The following ASB3 variants were observed in gnomAD, a reference collection of about 807,000 sequenced individuals.
ASB3 encodes the protein ankyrin repeat and SOCS box containing 3.
ASB3 carries 41 observed loss-of-function variants against 54.5 expected under a neutral mutation model. The observed-to-expected ratio is 0.75, with a 90% CI of 0.59 to 0.98. The LOEUF is 0.98. Among genes scored for constraint, ASB3 ranks in the 50% least tolerant of loss-of-function variants. The probability of loss-of-function intolerance (pLI) is 0.00; values close to 1 mark genes in which losing one functional copy is unlikely to be tolerated. For synonymous variants in ASB3, 266 were observed against 221.2 expected (o/e 1.20, Z -1.80); for missense variants, 733 against 620.0 (o/e 1.18, Z -1.94).
In ASB3 at chr2:53,776,037, T is replaced by C. The variant is rs1674315399; in HGVS notation, c.-13-10452A>G. Among the ~76,000 whole-genome samples the C allele has an allele frequency of 2.0e-5, 3 of 152,188 alleles. No homozygotes were observed. In the South Asian group the frequency reaches 6.2e-4, roughly 31 times the overall value. ...GTTATTTCTTTCTCAAGAGGACATA[T>C]AATCTCTCTAGAATCTTTCACCATA... On this transcript the variant is annotated intron_variant, in intron 1 of 9. Transcript: ENST00000263634.
intron 1 of ASB3, among the ~76,000 whole-genome samples, chr2:53,775,351 G>T (rs1432045704): frequency 3.9e-5 from 6 of 152,022 alleles, no homozygotes; most frequent in Admixed American, 1.3e-4. Flanking sequence ...GTGTGTGTGT[G>T]TGTGTATATA....
chr2:53,770,488 G>A lies in ASB3; in HGVS notation c.-13-4903C>T, dbSNP rs1437116455. Among the ~76,000 whole-genome samples the A allele has an allele frequency of 1.2e-4, 14 of 121,036 alleles. No individual in the cohort carries two copies. The East Asian group carries it at 2.9e-3, about 25-fold the overall frequency. 79.4% of individuals were successfully genotyped at this position (121,036 alleles called of 152,430 possible). A position where few individuals can be genotyped will look rare whatever the true frequency, so the allele number is the denominator to read the frequency against. On this transcript the variant is annotated intron_variant, in intron 1 of 9. Coordinates refer to ENST00000263634, the MANE Select transcript of ASB3 (RefSeq NM_016115.5). ...ATACAGCCTTTGGTACTCCGTGGAC[G>A]AAGTTTATTTAAAAAAAAAAAAAAA...
At chr2:53,766,051 CAACTA>C (rs1673432539) in intron 1 of ASB3, among the ~76,000 whole-genome samples, 1 of 152,094 alleles carries the variant, frequency 6.6e-6, no homozygotes, top group African/African-American at 2.4e-5. Context: ...CTATAGGAAA[CAACTA>C]AACCCAAAGA....
At chr2:53,786,559 C>A (rs1049527194) in intron 1 of ASB3, 3 of 152,246 alleles carry the variant, frequency 2.0e-5, no homozygotes, top group African/African-American at 7.2e-5. Context: ...TGGAGATAAG[C>A]CTCAAGCGGG....
At chr2:53,693,670 T>G (rs1251938877) in intron 9 of ASB3, among the ~76,000 whole-genome samples, 1 of 152,144 alleles carries the variant, frequency 6.6e-6, no homozygotes, top group African/African-American at 2.4e-5. Context: ...TCTTTATATG[T>G]TCCTTAGGCT....
chr2:53,699,472 A>C (rs1177783795), intron 8 of ASB3, among the ~76,000 whole-genome samples: 7 of 152,252 alleles, frequency 4.6e-5, no homozygotes, highest in African/African-American at 1.4e-4. Flanking sequence ...GTAGAAAAAC[A>C]CAAGGAGTGT....
intron 2 of ASB3, among the ~76,000 whole-genome samples, chr2:53,752,205 T>G (rs1429432869): frequency 6.6e-6 from 1 of 152,234 alleles, no homozygotes; most frequent in Non-Finnish European, 1.5e-5. Context: ...TTTGCTTGTT[T>G]TATACTTGAT....
intron 9 of ASB3, among the ~76,000 whole-genome samples, chr2:53,693,527 A>T (rs1425440786): frequency 6.6e-6 from 1 of 152,160 alleles, no homozygotes; most frequent in African/African-American, 2.4e-5. Flanking sequence ...TCCAAAGAGA[A>T]AAATTAAGTT....
intron 3 of ASB3, among the ~76,000 whole-genome samples, chr2:53,744,664 TTAACA>T (rs1384858567): frequency 6.6e-6 from 1 of 152,158 alleles, no homozygotes; most frequent in Admixed American, 6.5e-5. Flanking sequence ...CAAAGTTTTA[TTAACA>T]TAATATATAA....
intron 9 of ASB3, among the ~76,000 whole-genome samples, chr2:53,693,535 G>C (rs938607025): frequency 6.6e-6 from 1 of 151,974 alleles, no homozygotes; most frequent in Non-Finnish European, 1.5e-5. Context: ...GAAAAATTAA[G>C]TTTAGCATTT....
At position 53,714,491 on chromosome 2, in the gene ASB3, T is replaced by C. The variant is rs768981804; in HGVS notation, c.873A>G (p.Gly291=). Residue 291 remains glycine (G), a synonymous_variant, in exon 7 of 10, where the codon GGA becomes GGG. Coordinates refer to ENST00000263634, the MANE Select transcript of ASB3 (RefSeq NM_016115.5). ...VSPVYSAVFG[G]HEDCLEILLR... ...GTAATATTTCTAGGCAATCTTCATG[T>C]CCCCCAAACACTGCTGAGTAAACAG... 19 of 1,614,096 alleles carry C rather than the reference T, an allele frequency of 1.2e-5. No individual in the cohort carries two copies. Among genetic ancestry groups the C allele is most frequent in the Non-Finnish European group, 1.4e-5 (17 of 1,180,044 alleles).
chr2:53,778,908 T>G (rs1050574542), intron 1 of ASB3, among the ~76,000 whole-genome samples: 9 of 152,216 alleles, frequency 5.9e-5, no homozygotes, highest in African/African-American at 2.2e-4. Context: ...TACCCAGAAG[T>G]TGGATTGCTG....
intron 9 of ASB3, among the ~76,000 whole-genome samples, chr2:53,670,983 G>C (rs963458420): frequency 6.6e-6 from 1 of 152,178 alleles, no homozygotes; most frequent in Non-Finnish European, 1.5e-5. Flanking sequence ...TTAAGAAATG[G>C]ATGAACCAAC....
chr2:53,768,357 G>T, intron 1 of ASB3: 1 of 221,928 alleles, frequency 4.5e-6, no homozygotes, highest in Non-Finnish European at 8.8e-6. Context: ...AGTCCCATTG[G>T]CGGGAAGATG....
At chr2:53,675,390 T>C (rs1026278648) in intron 9 of ASB3, among the ~76,000 whole-genome samples, 2 of 152,230 alleles carry the variant, frequency 1.3e-5, no homozygotes, top group Non-Finnish European at 2.9e-5. Context: ...AATAATTTCA[T>C]TTTTAAAGGT....
At chr2:53,734,662 T>C (rs1480319096) in intron 3 of ASB3, among the ~76,000 whole-genome samples, 1 of 152,356 alleles carries the variant, frequency 6.6e-6, no homozygotes, top group East Asian at 1.9e-4. Context: ...TTGAAAATCA[T>C]CATCAAATTC....
At chr2:53,716,427 G>T in intron 6 of ASB3, 139 bp downstream of exon 6, 3 of 1,022,586 alleles carry the variant, frequency 2.9e-6, no homozygotes, top group East Asian at 5.2e-5. Context: ...ACAGATTAGG[G>T]GTAGATCTGT....
At chr2:53,785,885 T>C (rs1283337141) in intron 1 of ASB3, among the ~76,000 whole-genome samples, 1 of 152,224 alleles carries the variant, frequency 6.6e-6, no homozygotes, top group African/African-American at 2.4e-5. Flanking sequence ...CTGGATCACA[T>C]TAAGCATTAA....
chr2:53,745,097 T>C (rs1450748585), intron 3 of ASB3, among the ~76,000 whole-genome samples: 1 of 152,160 alleles, frequency 6.6e-6, no homozygotes, highest in Non-Finnish European at 1.5e-5. Flanking sequence ...AAAAAGGAAA[T>C]CTATTTCCTA....
Sources: gnomAD v4.1 joint callset for allele counts (sites outside exome capture counted in the v4.1 genomes callset) on GRCh38, gnomAD v4.1.1 for gene constraint, MANE v1.5 for transcripts, NCBI Gene and HGNC (gene_info 2026-07-23, HGNC 2026-07-21) for gene names.